Variants in SASS6 observed in about 807,000 individuals in gnomAD.
SASS6 encodes spindle assembly abnormal protein 6 homolog.
A neutral mutation model predicts 94.9 loss-of-function variants in SASS6; 59 were observed. The observed-to-expected ratio is 0.62, with a 90% CI of 0.50 to 0.77. SASS6 has a LOEUF of 0.77. SASS6 is among the 30% of genes least tolerant of loss of function. The pLI is 0.00. For missense variants in SASS6, 698 were observed against 734.1 expected, an observed-to-expected ratio of 0.95 and a Z score of 0.57; for synonymous variants, 264 against 270.0, an observed-to-expected ratio of 0.98 and a Z score of 0.22.
At position 100,084,387 on chromosome 1, in the gene SASS6, A is replaced by C. The variant is rs1465334922; in HGVS notation, c.*941T>G. ...CTATGATTCTAGGTGAATTTTAAAA[A>C]AATTTTTCCCCAAGGAACAATTCTT... On this transcript the variant is annotated 3_prime_UTR_variant, in exon 17 of 17. Transcript: ENST00000287482. The C allele has an allele frequency of 6.6e-6, 1 of 152,096 alleles. No individual in the cohort carries two copies. The highest frequency in any genetic ancestry group is 2.4e-5 in the African/African-American group (1 of 41,452). The allele number at this position is 152,096 out of a possible 1,614,324, so 9.4% of individuals were successfully genotyped here. A position where few individuals can be genotyped will look rare whatever the true frequency, so the allele number is the denominator to read the frequency against.
rs1414137300 is a variant in SASS6, at chr1:100,105,943, CTG to C, written c.1409-42_1409-41del. 9 of 1,365,188 alleles carry C rather than the reference CTG, an allele frequency of 6.6e-6. No individual in the cohort carries two copies. In the East Asian group the frequency reaches 9.7e-5, roughly 15 times the overall value. The allele number at this position is 1,365,188 out of a possible 1,614,324, so 84.6% of individuals were successfully genotyped here. A position where few individuals can be genotyped will look rare whatever the true frequency, so the allele number is the denominator to read the frequency against. The stretch of plus-strand genomic sequence containing the variant: ...CAAGAAGCAAGGTAAAGAATATTGA[CTG>C]TTTATTTTTCTAATCATCTTAAACA... On this transcript the variant is annotated intron_variant, in intron 12 of 16. Transcript: ENST00000287482.
intron 8 of SASS6, among the ~76,000 whole-genome samples, chr1:100,108,224 T>C (rs1369218218): frequency 6.6e-6 from 1 of 152,104 alleles, no homozygotes; most frequent in Non-Finnish European, 1.5e-5. Context: ...TTCAATCATA[T>C]CAAGGGAAAA....
At chr1:100,127,098 T>C (rs1040559303) in intron 1 of SASS6, among the ~76,000 whole-genome samples, 3 of 152,128 alleles carry the variant, frequency 2.0e-5, no homozygotes, top group Non-Finnish European at 4.4e-5. Context: ...CTCATAAACA[T>C]TAATCAAATA....
Position 100,088,835 on chromosome 1 carries a change from T to TA in SASS6, c.1675-600dup, listed in dbSNP as rs72345602. Among the ~76,000 whole-genome samples the TA allele has an allele frequency of 8.3e-3, 696 of 83,860 alleles. 3 individuals carry two copies. Among genetic ancestry groups the TA allele is most frequent in the African/African-American group, 0.015 (359 of 24,598 alleles). 55.0% of individuals were successfully genotyped at this position (83,860 alleles called of 152,430 possible). On this transcript the variant is annotated intron_variant, in intron 14 of 16. Coordinates refer to ENST00000287482, the MANE Select transcript of SASS6 (RefSeq NM_194292.3). ...GGGCAACAGAGCAAGACCCTGTCTA[T>TA]AAAAAAAAAAAAAAAGCCTGCCATG...
intron 7 of SASS6, among the ~76,000 whole-genome samples, chr1:100,113,128 A>T (rs1653479960): frequency 6.6e-6 from 1 of 152,214 alleles, no homozygotes; most frequent in South Asian, 2.1e-4. Context: ...GTACTCCAAA[A>T]TGAGGGAGGA....
At chr1:100,121,665 C>A in intron 4 of SASS6, 116 bp from the exon 5 acceptor site, 1 of 600,528 alleles carries the variant, frequency 1.7e-6, no homozygotes, top group African/African-American at 2.0e-5. Flanking sequence ...TGAGGACTCC[C>A]AATGGTAAAA....
intron 14 of SASS6, among the ~76,000 whole-genome samples, chr1:100,091,274 G>A (rs1397404954): frequency 1.3e-5 from 2 of 152,024 alleles, no homozygotes; most frequent in East Asian, 3.9e-4. Context: ...TCCAGCCTGG[G>A]CAACAGAGTG....
At chr1:100,123,365 A>C (rs1654349230) in intron 2 of SASS6, 76 bp from the exon 3 acceptor site, 1 of 704,250 alleles carries the variant, frequency 1.4e-6, no homozygotes, top group South Asian at 1.7e-5. Context: ...AGAAGTAAAG[A>C]AATCCAACAA....
rs1315305262 is a variant in SASS6 at position 100,108,151 on chromosome 1, T to C, written c.862-147A>G. ...ACAGATTTTTTTTTAAAAGCATAAA[T>C]GTCTTTCTAATGGTATAGTAGCATA... On this transcript the variant is annotated intron_variant, in intron 8 of 16. Coordinates refer to ENST00000287482, the MANE Select transcript of SASS6 (RefSeq NM_194292.3). The C allele has an allele frequency of 1.0e-5, 5 of 497,850 alleles. No individual in the cohort carries two copies. The Admixed American group carries it at 1.1e-4, about 11-fold the overall frequency. 30.8% of individuals were successfully genotyped at this position (497,850 alleles called of 1,614,324 possible). A position where few individuals can be genotyped will look rare whatever the true frequency, so the allele number is the denominator to read the frequency against.
rs144999534 is a variant in SASS6 at position 100,118,795 on chromosome 1, C to A, written c.669+223G>T. Among the ~76,000 whole-genome samples the A allele has an allele frequency of 8.3e-3, 1,266 of 151,972 alleles. 11 individuals are homozygous for A. The highest frequency in any genetic ancestry group is 0.013 in the Non-Finnish European group (900 of 67,960). Reference sequence around the variant, plus strand: ...TTTATAAACAAATATTTATAAATTACATATTATTTACATATACGTAGAGAA... The same window carrying A: ...TTTATAAACAAATATTTATAAATTAAATATTATTTACATATACGTAGAGAA... On this transcript the variant is annotated intron_variant, in intron 7 of 16. Coordinates refer to ENST00000287482, the MANE Select transcript of SASS6 (RefSeq NM_194292.3).
At chr1:100,109,960 T>C (rs1407338020) in intron 8 of SASS6, among the ~76,000 whole-genome samples, 2 of 151,800 alleles carry the variant, frequency 1.3e-5, no homozygotes, top group East Asian at 1.9e-4. Context: ...GTTAAGCAGG[T>C]TGAGGAAAAA....
intron 8 of SASS6, among the ~76,000 whole-genome samples, 183 bp from the exon 9 acceptor site, chr1:100,108,187 A>G (rs529046534): frequency 1.3e-5 from 2 of 152,122 alleles, no homozygotes; most frequent in Non-Finnish European, 2.9e-5. Flanking sequence ...TATCTGGAAT[A>G]TAATTGTAAA....
chr1:100,095,343 A>G (rs1415852323), intron 14 of SASS6, among the ~76,000 whole-genome samples: 1 of 152,188 alleles, frequency 6.6e-6, no homozygotes, highest in East Asian at 1.9e-4. Flanking sequence ...CAGCCTGGGC[A>G]ACATGGCAAA....
intron 1 of SASS6, among the ~76,000 whole-genome samples, chr1:100,131,437 A>C (rs1655015598): frequency 6.6e-6 from 1 of 152,222 alleles, no homozygotes; most frequent in African/African-American, 2.4e-5. Context: ...ATTGTATTTA[A>C]CCCAATATAC....
chr1:100,130,027 T>C (rs549206642), intron 1 of SASS6, among the ~76,000 whole-genome samples: 22 of 152,356 alleles, frequency 1.4e-4, no homozygotes, highest in African/African-American at 5.1e-4. Context: ...TTCATTCCAT[T>C]CTCATAATAC....
chr1:100,120,291 C>A (rs1291308361), intron 6 of SASS6, 103 bp downstream of exon 6: 1 of 642,342 alleles, frequency 1.6e-6, no homozygotes, highest in Admixed American at 2.6e-5. Flanking sequence ...TCAACGGAAG[C>A]ATGCTTTGAA....
At chr1:100,108,767 T>A (rs1351484774) in intron 8 of SASS6, among the ~76,000 whole-genome samples, 1 of 152,010 alleles carries the variant, frequency 6.6e-6, no homozygotes, top group Non-Finnish European at 1.5e-5. Context: ...TTACTGAAAC[T>A]CCCTAAATTA....
At chr1:100,112,747 A>G (rs771915701) in intron 7 of SASS6, among the ~76,000 whole-genome samples, 3 of 152,228 alleles carry the variant, frequency 2.0e-5, no homozygotes, top group Non-Finnish European at 4.4e-5. Flanking sequence ...AGAGCACACT[A>G]TGGCAGTGGT....
chr1:100,092,442 A>G lies in SASS6; in HGVS notation c.1675-4206T>C, dbSNP rs1456677235. On this transcript the variant is annotated intron_variant, in intron 14 of 16. Coordinates refer to ENST00000287482, the MANE Select transcript of SASS6 (RefSeq NM_194292.3). ...TAAAAGAAATGCTAATGAATGTTCT[A>G]TCATTCAGGGAAATTATACTGTAGA... is the stretch of plus-strand genomic sequence containing the variant. 2.0e-5 allele frequency among the ~76,000 whole-genome samples: 3 copies of G among 152,358 alleles called. No homozygotes were observed. In the East Asian group the frequency reaches 5.8e-4, roughly 29 times the overall value.
Sources: allele counts gnomAD v4.1 joint callset (sites outside exome capture counted in the v4.1 genomes callset), GRCh38; gene constraint gnomAD v4.1.1; transcripts MANE v1.5; gene names NCBI Gene and HGNC (gene_info 2026-07-23, HGNC 2026-07-21).